DIP2C: variants seen among roughly 807,000 people sequenced by gnomAD.
The protein encoded by DIP2C is disco-interacting protein 2 homolog C.
Under a neutral mutation model 192.4 loss-of-function variants are expected in DIP2C, and 33 were observed. The observed-to-expected ratio is 0.17, with a 90% confidence interval of 0.13 to 0.23. The LOEUF (loss-of-function observed/expected upper bound fraction) is 0.23, where lower values mean the gene tolerates loss of function less well. Among genes scored for constraint, DIP2C ranks in the 10% least tolerant of loss-of-function variants. DIP2C has a pLI of 1.00. For synonymous variants in DIP2C, 979 were observed against 864.1 expected, an observed-to-expected ratio of 1.13 and a Z score of -2.33; for missense variants, 1,537 against 2,110.1, an observed-to-expected ratio of 0.73 and a Z score of 5.32.
intron 23 of DIP2C, 139 bp from the exon 24 acceptor site, chr10:356,645 G>A (rs1180612473): frequency 3.1e-6 from 2 of 645,402 alleles, no homozygotes; most frequent in African/African-American, 3.7e-5. Context: ...TCTGCAGGGA[G>A]TTGAAGACAT....
intron 1 of DIP2C, among the ~76,000 whole-genome samples, chr10:532,560 AGAGAGAGAGTATGGGTGT>A (rs1564824412): frequency 5.1e-5 from 5 of 97,288 alleles, no homozygotes; most frequent in Admixed American, 9.7e-5. Flanking sequence ...AGTATGGGTG[AGAGAGAGAGTATGGGTGT>A]GAGAGAGAGT....
At chr10:304,679 C>T (rs149302312) in intron 32 of DIP2C, among the ~76,000 whole-genome samples, 19 of 102,252 alleles carry the variant, frequency 1.9e-4, no homozygotes, top group African/African-American at 4.2e-4. Context: ...ACACACAATA[C>T]TCACATAGCC....
intron 1 of DIP2C, among the ~76,000 whole-genome samples, chr10:551,127 G>C (rs538844460): frequency 6.6e-6 from 1 of 152,300 alleles, no homozygotes; most frequent in South Asian, 2.1e-4. Flanking sequence ...TAGACACTGT[G>C]GCTCTGGTAG....
chr10:527,563 G>A (rs76119054), intron 1 of DIP2C, among the ~76,000 whole-genome samples: 3,342 of 152,296 alleles, frequency 0.022, 131 homozygotes, highest in African/African-American at 0.075. Flanking sequence ...AAATGGAACC[G>A]ATTACAAATG....
intron 22 of DIP2C, among the ~76,000 whole-genome samples, chr10:359,659 C>T (rs1404789008): frequency 6.6e-6 from 1 of 152,184 alleles, no homozygotes; most frequent in Non-Finnish European, 1.5e-5. Context: ...GGAACAATTG[C>T]CCCTCTGTGA....
intron 1 of DIP2C, among the ~76,000 whole-genome samples, chr10:594,549 AAG>A (rs1227627230): frequency 1.3e-5 from 2 of 152,172 alleles, no homozygotes; most frequent in African/African-American, 4.8e-5. Context: ...ATTTCAACGT[AAG>A]AGAACATGGC....
At chr10:580,765 AAG>A (rs1489328504) in intron 1 of DIP2C, among the ~76,000 whole-genome samples, 13 of 152,312 alleles carry the variant, frequency 8.5e-5, no homozygotes, top group African/African-American at 2.2e-4. Flanking sequence ...AAGTCATACA[AAG>A]AGGGTTTTAA....
chr10:531,152 G>GC (rs1209527612), intron 1 of DIP2C, among the ~76,000 whole-genome samples: 2 of 152,058 alleles, frequency 1.3e-5, no homozygotes, highest in East Asian at 3.8e-4. Context: ...TGTTACGCTC[G>GC]CCCCAAGGTG....
In DIP2C at chr10:436,915, C is replaced by T. The variant is rs112334716; in HGVS notation, c.394+3956G>A. Among the ~76,000 whole-genome samples, 1,360 of 141,552 alleles carry T rather than the reference C, an allele frequency of 9.6e-3. 30 individuals are homozygous for T. The highest frequency in any genetic ancestry group is 0.035 in the African/African-American group (1,264 of 36,330). The allele number at this position is 141,552 out of a possible 152,430, so 92.9% of individuals were successfully genotyped here. On this transcript the variant is annotated intron_variant, in intron 4 of 36. Coordinates refer to ENST00000280886, the MANE Select transcript of DIP2C (RefSeq NM_014974.3). The stretch of plus-strand genomic sequence containing the variant: ...CCACACCTGAGCTCTCTCTGAGCTC[C>T]GCCTCCTGGACGTGGTAGGGTGATA...
intron 1 of DIP2C, among the ~76,000 whole-genome samples, chr10:534,179 C>G (rs1162433349): frequency 6.6e-6 from 1 of 152,216 alleles, no homozygotes; most frequent in Non-Finnish European, 1.5e-5. Flanking sequence ...GCAACCCTAG[C>G]TTCACAGGGC....
At chr10:367,153 C>G (rs1317176454) in intron 18 of DIP2C, among the ~76,000 whole-genome samples, 1 of 152,216 alleles carries the variant, frequency 6.6e-6, no homozygotes, top group Non-Finnish European at 1.5e-5. Context: ...CGCGGTGGCT[C>G]ACGCCTGTAA....
At chr10:616,240 G>A (rs1056689975) in intron 1 of DIP2C, among the ~76,000 whole-genome samples, 23 of 152,162 alleles carry the variant, frequency 1.5e-4, no homozygotes, top group African/African-American at 4.6e-4. Context: ...ACCGCAATCC[G>A]ATACAAAATT....
At chr10:603,325 A>C (rs910757404) in intron 1 of DIP2C, among the ~76,000 whole-genome samples, 3 of 137,620 alleles carry the variant, frequency 2.2e-5, no homozygotes, top group African/African-American at 9.1e-5. Context: ...AAAAAAAAAA[A>C]AAAAAAAACC....
At chr10:393,735 C>A (rs1963677552) in intron 10 of DIP2C, among the ~76,000 whole-genome samples, 1 of 130,378 alleles carries the variant, frequency 7.7e-6, no homozygotes, top group South Asian at 2.6e-4. Context: ...GCAGAGATTG[C>A]GTCACTGCAC....
intron 1 of DIP2C, among the ~76,000 whole-genome samples, chr10:517,492 C>T (rs1465659536): frequency 2.0e-5 from 3 of 152,150 alleles, no homozygotes; most frequent in African/African-American, 4.8e-5. Context: ...TCACTCTGAC[C>T]CCTTCACACC....
intron 3 of DIP2C, among the ~76,000 whole-genome samples, chr10:447,166 C>G: frequency 6.6e-6 from 1 of 150,734 alleles, no homozygotes; most frequent in African/African-American, 2.5e-5. Context: ...AGGACCCACT[C>G]ACCCCTGTCG....
At chr10:645,307 A>C (rs938184009) in intron 1 of DIP2C, among the ~76,000 whole-genome samples, 20 of 152,128 alleles carry the variant, frequency 1.3e-4, no homozygotes, top group African/African-American at 4.8e-4. Flanking sequence ...ACACCCCCTT[A>C]TCAAAGTGGC....
chr10:345,232 G>C (rs1241837401), intron 26 of DIP2C, 122 bp from the exon 27 acceptor site: 2 of 988,296 alleles, frequency 2.0e-6, no homozygotes, highest in Non-Finnish European at 3.1e-6. Context: ...GGCAGATGAG[G>C]TTACCGAGCC....
chr10:532,760 AGAGAGTATGGGTGTGT>A (rs1564825026), intron 1 of DIP2C, among the ~76,000 whole-genome samples: 1 of 91,250 alleles, frequency 1.1e-5, no homozygotes, highest in Non-Finnish European at 3.2e-5. Context: ...TGGGTGTGTG[AGAGAGTATGGGTGTGT>A]GAGAGAGTAT....
Sources: allele counts gnomAD v4.1 joint callset (sites outside exome capture counted in the v4.1 genomes callset), GRCh38; gene constraint gnomAD v4.1.1; transcripts MANE v1.5; gene names NCBI Gene and HGNC (gene_info 2026-07-23, HGNC 2026-07-21).